The following CDC42BPA variants were observed in gnomAD, a reference collection of about 807,000 sequenced individuals.
The protein encoded by CDC42BPA is CDC42 binding protein kinase alpha.
A neutral mutation model predicts 223.5 loss-of-function variants in CDC42BPA; 80 were observed. The observed-to-expected ratio is 0.36, with a 90% CI of 0.30 to 0.43. The LOEUF (loss-of-function observed/expected upper bound fraction) is 0.43. Ranked by LOEUF, CDC42BPA falls within the 20% of genes least tolerant of loss-of-function variation. The pLI is 1.00. For missense variants in CDC42BPA, 1,743 were observed against 2,099.9 expected, an observed-to-expected ratio of 0.83 and a Z score of 3.32; for synonymous variants, 694 against 718.6, an observed-to-expected ratio of 0.97 and a Z score of 0.55.
intron 21 of CDC42BPA, among the ~76,000 whole-genome samples, chr1:227,063,367 G>T (rs893531200): frequency 1.3e-5 from 2 of 152,000 alleles, no homozygotes; most frequent in Non-Finnish European, 2.9e-5. Context: ...CACACAAGCA[G>T]AAACCAAAAG....
intron 3 of CDC42BPA, among the ~76,000 whole-genome samples, chr1:227,212,249 T>C (rs891315529): frequency 6.6e-6 from 1 of 152,210 alleles, no homozygotes; most frequent in South Asian, 2.1e-4. Context: ...ACTGCCACCA[T>C]ATCTGTCATC....
chr1:227,023,070 G>A (rs1288137653), intron 32 of CDC42BPA, among the ~76,000 whole-genome samples, 193 bp downstream of exon 32: 1 of 148,606 alleles, frequency 6.7e-6, no homozygotes. Context: ...AGCTTAAACA[G>A]AACGACTTTT....
chr1:227,161,519 A>C (rs1222022922), intron 5 of CDC42BPA, among the ~76,000 whole-genome samples: 2 of 152,218 alleles, frequency 1.3e-5, no homozygotes, highest in African/African-American at 2.4e-5. Flanking sequence ...ATGCCATTTA[A>C]GATCTCTATG....
chr1:226,997,183 G>A (rs567713762), intron 35 of CDC42BPA, among the ~76,000 whole-genome samples: 2 of 152,218 alleles, frequency 1.3e-5, no homozygotes, highest in South Asian at 4.2e-4. Context: ...GTTTAGACTT[G>A]GGAAGGTGTA....
At chr1:227,050,760 A>T (rs181672577) in intron 22 of CDC42BPA, among the ~76,000 whole-genome samples, 1 of 152,336 alleles carries the variant, frequency 6.6e-6, no homozygotes, top group Admixed American at 6.5e-5. Context: ...AAATGAAATG[A>T]ACATCTAAAA....
At chr1:227,201,307 A>G (rs1671712978) in intron 3 of CDC42BPA, among the ~76,000 whole-genome samples, 1 of 151,846 alleles carries the variant, frequency 6.6e-6, no homozygotes, top group Non-Finnish European at 1.5e-5. Flanking sequence ...CACTATGCCC[A>G]GCTAATTTTT....
At position 227,105,356 on chromosome 1, in the gene CDC42BPA, C is replaced by CT. The variant is rs35065841; in HGVS notation, c.2002-4118dup. The stretch of plus-strand genomic sequence containing the variant: ...TTGTATCTGTGAATTTGCCTATTCT[C>CT]TTTTTTTTTTTTTTTTTTTTTTTGA... On this transcript the variant is annotated intron_variant, in intron 14 of 36. Coordinates refer to ENST00000366766, the MANE Select transcript of CDC42BPA (RefSeq NM_001394014.1). Among the ~76,000 whole-genome samples, 364 of 91,470 alleles carry CT rather than the reference C, an allele frequency of 4.0e-3. 3 individuals carry two copies. The highest frequency in any genetic ancestry group is 0.026 in the South Asian group (61 of 2,360). 60.0% of individuals were successfully genotyped at this position (91,470 alleles called of 152,430 possible). A position where few individuals can be genotyped will look rare whatever the true frequency, so the allele number is the denominator to read the frequency against.
intron 10 of CDC42BPA, among the ~76,000 whole-genome samples, chr1:227,134,966 A>G (rs1315453610): frequency 6.6e-6 from 1 of 152,236 alleles, no homozygotes; most frequent in Non-Finnish European, 1.5e-5. Flanking sequence ...TTATTTTTAA[A>G]AACATCTTTG....
At chr1:227,176,903 C>T (rs1172975256) in intron 5 of CDC42BPA, among the ~76,000 whole-genome samples, 1 of 151,910 alleles carries the variant, frequency 6.6e-6, no homozygotes, top group Non-Finnish European at 1.5e-5. Flanking sequence ...CATAAAGCTT[C>T]ATCACTGGGA....
At chr1:227,292,548 A>T (rs547003232) in intron 1 of CDC42BPA, among the ~76,000 whole-genome samples, 2 of 152,222 alleles carry the variant, frequency 1.3e-5, no homozygotes, top group East Asian at 3.8e-4. Context: ...CACTGAATTA[A>T]AATCATCTTT....
chr1:227,060,716 A>AGTTTTTTT lies in CDC42BPA; in HGVS notation c.2905-8732_2905-8731insAAAAAAAC, dbSNP rs1373925166. 8.0e-4 allele frequency among the ~76,000 whole-genome samples: 101 copies of AGTTTTTTT among 126,528 alleles called. 1 individual carries two copies. The highest frequency in any genetic ancestry group is 4.5e-3 in the Middle Eastern group (1 of 222). The allele number at this position is 126,528 out of a possible 152,430, so 83.0% of individuals were successfully genotyped here. A position where few individuals can be genotyped will look rare whatever the true frequency, so the allele number is the denominator to read the frequency against. On this transcript the variant is annotated intron_variant, in intron 21 of 36. Transcript: ENST00000366766. Reference sequence around the variant, plus strand: ...AACTCTGGCAGGTAAGTAAATAGGTACTTTTTTTTTTTTTTTTTTTTTTTT... The same window carrying AGTTTTTTT: ...AACTCTGGCAGGTAAGTAAATAGGTAGTTTTTTTCTTTTTTTTTTTTTTTTTTTTTTTT...
intron 6 of CDC42BPA, among the ~76,000 whole-genome samples, chr1:227,149,992 G>A (rs567256043): frequency 6.6e-6 from 1 of 152,242 alleles, no homozygotes; most frequent in East Asian, 1.9e-4. Context: ...GGGAAGCTGA[G>A]GCGGGTGTTT....
intron 8 of CDC42BPA, 137 bp downstream of exon 8, chr1:227,145,352 C>A: frequency 1.6e-6 from 1 of 628,476 alleles, no homozygotes; most frequent in Non-Finnish European, 2.7e-6. Flanking sequence ...AGAATAAGCA[C>A]CAGAAGCCAT....
chr1:227,264,732 G>A, intron 1 of CDC42BPA: 1 of 764,814 alleles, frequency 1.3e-6, no homozygotes, highest in Non-Finnish European at 2.3e-6. Context: ...AGTCCATTAT[G>A]TACATATTCT....
intron 17 of CDC42BPA, among the ~76,000 whole-genome samples, chr1:227,077,847 C>A (rs908661374): frequency 6.6e-6 from 1 of 152,142 alleles, no homozygotes; most frequent in South Asian, 2.1e-4. Flanking sequence ...ATACTAATTT[C>A]TCCTCATCTC....
intron 1 of CDC42BPA, among the ~76,000 whole-genome samples, chr1:227,305,817 T>C (rs1292607682): frequency 6.6e-6 from 1 of 150,860 alleles, no homozygotes; most frequent in Non-Finnish European, 1.5e-5. Context: ...AATACAAAAA[T>C]TGGCCAGGCA....
intron 5 of CDC42BPA, among the ~76,000 whole-genome samples, chr1:227,191,182 A>G: frequency 6.6e-6 from 1 of 152,006 alleles, no homozygotes; most frequent in African/African-American, 2.4e-5. Flanking sequence ...CACCTCTACT[A>G]AAAGCACAAA....
chr1:227,074,208 ATC>A (rs989528038), intron 18 of CDC42BPA, 49 bp downstream of exon 18: 3 of 1,446,140 alleles, frequency 2.1e-6, no homozygotes, highest in Non-Finnish European at 2.9e-6. Context: ...TGTTTTTTAA[ATC>A]TCTTTTTTCT....
At chr1:227,275,971 A>G (rs112282634) in intron 1 of CDC42BPA, among the ~76,000 whole-genome samples, 31,815 of 151,634 alleles carry the variant, frequency 0.21, 3,682 homozygotes, top group African/African-American at 0.28. Flanking sequence ...CCTCCCAGCC[A>G]CCTGCCTTGG....
Sources: gnomAD v4.1 joint callset for allele counts (sites outside exome capture counted in the v4.1 genomes callset) on GRCh38, gnomAD v4.1.1 for gene constraint, MANE v1.5 for transcripts, NCBI Gene and HGNC (gene_info 2026-07-23, HGNC 2026-07-21) for gene names.